CREG2: variants seen among roughly 807,000 people sequenced by gnomAD.
CREG2 encodes the protein cellular repressor of E1A stimulated genes 2.
Under a neutral mutation model 26.2 loss-of-function variants are expected in CREG2, and 24 were observed. The ratio of observed to expected loss-of-function variants is 0.92; its 90% CI spans 0.66 to 1.29. CREG2 has a LOEUF of 1.29. CREG2 is among the 50% of genes most tolerant of loss of function. The probability of loss-of-function intolerance (pLI) is 0.00; values close to 1 mark genes in which losing one functional copy is unlikely to be tolerated. For synonymous variants in CREG2, 174 were observed against 169.2 expected (o/e 1.03, Z -0.22); for missense variants, 366 against 398.6 (o/e 0.92, Z 0.70).
At position 101,387,376 on chromosome 2, in the gene CREG2, G is replaced by A. The variant is rs1251291220; in HGVS notation, c.82C>T (p.Pro28Ser). Reference sequence around the variant, plus strand: ...CTCACGATCACGTAGCCCGCGGCCGGGGACAGCAGGGCGCTGCAGCACAGC... The same window carrying A: ...CTCACGATCACGTAGCCCGCGGCCGAGGACAGCAGGGCGCTGCAGCACAGC... ...WLLCCSALLS[P>S]AAGYVIVSSV... Residue 28 changes from proline to serine, a missense_variant, in exon 1 of 4, where the codon CCG (proline) becomes TCG (serine). By Grantham distance (74) the Pro-to-Ser change is moderately conservative (BLOSUM62 -1). This residue lies in a region of CREG2 where 177 missense variants were observed against 183.3 expected (regional missense o/e 0.97). Coordinates refer to ENST00000324768, the MANE Select transcript of CREG2 (RefSeq NM_153836.4). This position sits in a 1 kb window ranked among gnomAD's most constrained non-coding sequence, Gnocchi z 4.7. The A allele has an allele frequency of 1.4e-6, 2 of 1,466,762 alleles. No homozygotes were observed. Among genetic ancestry groups the A allele is most frequent in the South Asian group, 1.3e-5 (1 of 75,364 alleles). The allele number at this position is 1,466,762 out of a possible 1,614,324, so 90.9% of individuals were successfully genotyped here.
chr2:101,359,436 C>T (rs1050250124), intron 2 of CREG2, among the ~76,000 whole-genome samples: 4 of 152,204 alleles, frequency 2.6e-5, no homozygotes, highest in Non-Finnish European at 2.9e-5. Flanking sequence ...CGCCAGTTTT[C>T]GTCTTGGTGC....
At chr2:101,368,219 C>T (rs569301834) in intron 2 of CREG2, among the ~76,000 whole-genome samples, 126 of 149,834 alleles carry the variant, frequency 8.4e-4, no homozygotes, top group African/African-American at 3.0e-3. Context: ...ATCCGGGAGG[C>T]GGAGCTTGCA....
chr2:101,351,875 T>G (rs148518578), intron 3 of CREG2, among the ~76,000 whole-genome samples: 9 of 152,158 alleles, frequency 5.9e-5, no homozygotes, highest in African/African-American at 2.2e-4. Flanking sequence ...AGGTTGATGA[T>G]CTTTATTTAT....
intron 2 of CREG2, among the ~76,000 whole-genome samples, chr2:101,363,509 A>G (rs1683253759): frequency 6.6e-6 from 1 of 152,128 alleles, no homozygotes; most frequent in Non-Finnish European, 1.5e-5. Context: ...CAAACACTTT[A>G]TGTCTTGATA....
At chr2:101,363,851 AACAC>A (rs5832961) in intron 2 of CREG2, among the ~76,000 whole-genome samples, 1,539 of 145,940 alleles carry the variant, frequency 0.011, 20 homozygotes, top group African/African-American at 0.034. Flanking sequence ...CCCTGTCTCA[AACAC>A]ACACACACAC....
chr2:101,358,723 G>A (rs1057161190), intron 2 of CREG2, among the ~76,000 whole-genome samples: 5 of 152,196 alleles, frequency 3.3e-5, no homozygotes, highest in Non-Finnish European at 5.9e-5. Context: ...ATTCAGCTGA[G>A]GGGGGCATAA....
intron 2 of CREG2, among the ~76,000 whole-genome samples, chr2:101,359,488 GGAAGTCGCTGATCACCAACTTCA>G (rs1168248550): frequency 6.6e-6 from 1 of 152,156 alleles, no homozygotes; most frequent in Non-Finnish European, 1.5e-5. Flanking sequence ...GATATTAGTA[GGAAGTCGCTGATCACCAACTTCA>G]GGTTTTTTCT....
rs532005066 is a variant in CREG2 at position 101,350,977 on chromosome 2, G to A, written c.819C>T (p.Gly273=). 2.8e-5 allele frequency: 45 copies of A among 1,614,112 alleles called. No homozygotes were observed. In the East Asian group the frequency reaches 5.1e-4, roughly 18 times the overall value. The change falls in exon 4 of 4, where the codon GGC becomes GGT. Residue 273 remains glycine, a synonymous_variant. Transcript: ENST00000324768. The stretch of plus-strand genomic sequence containing the variant: ...ATTCCTCCCTTGAAATACTGGATGC[G>A]CCTCCATACCATTTCTGAAGCCAGA... ...EHIWLQKWYG[G]ASSISREEYF... is the part of the protein sequence containing the mutation.
At chr2:101,371,433 A>C (rs561116719) in intron 2 of CREG2, among the ~76,000 whole-genome samples, 11 of 152,322 alleles carry the variant, frequency 7.2e-5, no homozygotes, top group African/African-American at 2.2e-4. Flanking sequence ...GCCAAAGGGA[A>C]AGGGAGGCTG....
chr2:101,382,881 G>GA, intron 2 of CREG2: 1 of 985,578 alleles, frequency 1.0e-6, no homozygotes, highest in Non-Finnish European at 1.2e-6. Flanking sequence ...AGGACGAGGG[G>GA]ATCTCACATG....
At position 101,382,777 on chromosome 2, in the gene CREG2, C is replaced by G. The variant is rs1258671031; in HGVS notation, c.611+756G>C. On this transcript the variant is annotated intron_variant, in intron 2 of 3. Transcript: ENST00000324768. Reference sequence around the variant, plus strand: ...AGATGGGATGAGGCCTGTTGATTTTCTAAAGCATCACTACATTTAGGTGGA... The same window carrying G: ...AGATGGGATGAGGCCTGTTGATTTTGTAAAGCATCACTACATTTAGGTGGA... 7.1e-6 allele frequency: 7 copies of G among 985,400 alleles called. No homozygotes were observed. The South Asian group carries it at 3.3e-4, about 46-fold the overall frequency. The allele number at this position is 985,400 out of a possible 1,614,324, so 61.0% of individuals were successfully genotyped here.
chr2:101,360,198 T>C (rs1573305018), intron 2 of CREG2, among the ~76,000 whole-genome samples: 1 of 152,138 alleles, frequency 6.6e-6, no homozygotes, highest in East Asian at 1.9e-4. Context: ...CACAAAGATA[T>C]AACCATTGCC....
Position 101,379,387 on chromosome 2 carries a change from T to C in CREG2, c.611+4146A>G, listed in dbSNP as rs114958882. The stretch of plus-strand genomic sequence containing the variant: ...GAGCTGTTCATTCCTTTCATCATTC[T>C]CAAGATATTGGCTTCTCACGGCTGT... On this transcript the variant is annotated intron_variant, in intron 2 of 3. Coordinates refer to ENST00000324768, the MANE Select transcript of CREG2 (RefSeq NM_153836.4). Among the ~76,000 whole-genome samples, 1,257 of 152,322 alleles carry C rather than the reference T, an allele frequency of 8.3e-3. 20 individuals are homozygous for C. Among genetic ancestry groups the C allele is most frequent in the African/African-American group, 0.028 (1,149 of 41,582 alleles).
chr2:101,384,174 C>T (rs1042415643), intron 1 of CREG2, among the ~76,000 whole-genome samples: 4 of 152,194 alleles, frequency 2.6e-5, no homozygotes, highest in Non-Finnish European at 5.9e-5. Flanking sequence ...CTTGCCTGCT[C>T]TCTGGACTTC....
intron 2 of CREG2, among the ~76,000 whole-genome samples, chr2:101,376,380 C>T (rs1360193919): frequency 4.6e-5 from 7 of 151,926 alleles, no homozygotes; most frequent in African/African-American, 1.5e-4. Context: ...CGGGTTCAAG[C>T]GATTCTCATG....
At chr2:101,373,485 C>T (rs527463543) in intron 2 of CREG2, among the ~76,000 whole-genome samples, 1 of 152,280 alleles carries the variant, frequency 6.6e-6, no homozygotes, top group Non-Finnish European at 1.5e-5. Context: ...CTTAACAGCC[C>T]TGAAAGCTTT....
At chr2:101,386,740 C>A (rs1684972154) in intron 1 of CREG2, among the ~76,000 whole-genome samples, 1 of 152,176 alleles carries the variant, frequency 6.6e-6, no homozygotes, top group African/African-American at 2.4e-5. Context: ...GTCCCTCTCT[C>A]TGCCTGGCCA....
At chr2:101,372,861 C>T (rs1215128711) in intron 2 of CREG2, among the ~76,000 whole-genome samples, 2 of 152,132 alleles carry the variant, frequency 1.3e-5, no homozygotes, top group Non-Finnish European at 2.9e-5. Context: ...AGGAGACATA[C>T]AAATGGCCAA....
At chr2:101,378,156 C>A (rs1453983542) in intron 2 of CREG2, among the ~76,000 whole-genome samples, 1 of 152,194 alleles carries the variant, frequency 6.6e-6, no homozygotes, top group Non-Finnish European at 1.5e-5. Flanking sequence ...AACCACCATT[C>A]TGTTGTCTGC....
Sources: gnomAD v4.1 joint callset for allele counts (sites outside exome capture counted in the v4.1 genomes callset) on GRCh38, gnomAD v4.1.1 for gene constraint, gnomAD v4.1.1 regional missense constraint, Gnocchi (gnomAD v3.1) non-coding constraint, MANE v1.5 for transcripts, NCBI Gene and HGNC (gene_info 2026-07-23, HGNC 2026-07-21) for gene names.